ZNF493: variants seen among roughly 807,000 people sequenced by gnomAD.
ZNF493 encodes the protein zinc finger protein 493.
In ZNF493, 11 loss-of-function variants were observed where a neutral mutation model predicts 12.2. The ratio of observed to expected loss-of-function variants is 0.90; its 90% CI spans 0.57 to 1.50. The LOEUF (loss-of-function observed/expected upper bound fraction) is 1.50. Ranked by LOEUF, ZNF493 falls within the 40% of genes most tolerant of loss-of-function variation. ZNF493 has a pLI of 0.00. For synonymous variants in ZNF493, 286 were observed against 302.6 expected, an observed-to-expected ratio of 0.95 and a Z score of 0.57; for missense variants, 950 against 906.6, an observed-to-expected ratio of 1.05 and a Z score of -0.61.
At chr19:21,400,217 C>T (rs528341415) in intron 1 of ZNF493, among the ~76,000 whole-genome samples, 1 of 152,242 alleles carries the variant, frequency 6.6e-6, no homozygotes, top group East Asian at 1.9e-4. Flanking sequence ...CAAGACCATC[C>T]TGACCAACAT....
chr19:21,422,824 C>T, intron 3 of ZNF493, 89 bp from the exon 4 acceptor site: 1 of 1,191,956 alleles, frequency 8.4e-7, no homozygotes, highest in Non-Finnish European at 1.2e-6. Context: ...CTGGTTTATG[C>T]AGTTTGTATA....
At chr19:21,402,808 G>A (rs965549615) in intron 1 of ZNF493, among the ~76,000 whole-genome samples, 16 of 152,174 alleles carry the variant, frequency 1.1e-4, no homozygotes, top group Admixed American at 9.2e-4. Context: ...GTGTAAACAA[G>A]CATCTTAAGA....
At chr19:21,417,012 A>T (rs928513542) in intron 3 of ZNF493, among the ~76,000 whole-genome samples, 1 of 152,168 alleles carries the variant, frequency 6.6e-6, no homozygotes, top group Non-Finnish European at 1.5e-5. Context: ...CGGGGGACAG[A>T]CATTGTACAG....
At chr19:21,419,199 A>G (rs1395254303) in intron 3 of ZNF493, among the ~76,000 whole-genome samples, 2 of 151,932 alleles carry the variant, frequency 1.3e-5, no homozygotes, top group East Asian at 3.9e-4. Context: ...TGAGCCCTGA[A>G]CTTGTGGATT....
At chr19:21,408,024 G>A (rs2030191870) in intron 3 of ZNF493, 1 of 985,038 alleles carries the variant, frequency 1.0e-6, no homozygotes, top group Non-Finnish European at 1.2e-6. Context: ...GTGGAGTGGG[G>A]TTGTAACTTG....
intron 3 of ZNF493, among the ~76,000 whole-genome samples, chr19:21,407,208 G>T (rs74489550): frequency 0.014 from 2,137 of 152,112 alleles, 37 homozygotes; most frequent in South Asian, 0.025. Flanking sequence ...AATTAGTTGG[G>T]TGTGGCTGTG....
rs756534536 is a variant in ZNF493, at chr19:21,424,737, C to T, written c.2078C>T (p.Thr693Ile). 22 of 1,612,950 alleles carry T rather than the reference C, an allele frequency of 1.4e-5. No homozygotes were observed. The highest frequency in any genetic ancestry group is 1.8e-5 in the Non-Finnish European group (21 of 1,179,534). Residue 693 changes from threonine (T) to isoleucine (I), a missense_variant, in exon 4 of 4, where the codon ACT becomes ATT. Coordinates refer to ENST00000392288, the MANE Select transcript of ZNF493 (RefSeq NM_001076678.3). ...TACAAATGTGAAAAATGTGGCAAAA[C>T]TTTCTACCGATTCTCAAACCTTAAT... ...KPYKCEKCGK[T>I]FYRFSNLNTH...
intron 3 of ZNF493, chr19:21,413,221 G>A (rs11669033): frequency 0.17 from 59,380 of 351,076 alleles, 6,085 homozygotes; most frequent in Non-Finnish European, 0.22. Flanking sequence ...TTTTGAGGGC[G>A]GTATGCCTCA....
Position 21,424,096 on chromosome 19 carries a change from T to G in ZNF493, c.1437T>G (p.His479Gln). ...AFKRSSTLTK[H>Q]RIIHTEEKPY... The stretch of plus-strand genomic sequence containing the variant: ...AACGATCTTCAACCCTTACTAAACA[T>G]AGGATAATTCATACTGAAGAGAAAC... Residue 479 changes from histidine (H) to glutamine (Q), a missense_variant, in exon 4 of 4, where the codon CAT becomes CAG. Coordinates refer to ENST00000392288, the MANE Select transcript of ZNF493 (RefSeq NM_001076678.3). 2 of 1,606,868 alleles carry G rather than the reference T, an allele frequency of 1.2e-6. No homozygotes were observed. Among genetic ancestry groups the G allele is most frequent in the Non-Finnish European group, 1.7e-6 (2 of 1,174,144 alleles).
intron 3 of ZNF493, among the ~76,000 whole-genome samples, chr19:21,417,492 C>G (rs1004749627): frequency 3.3e-5 from 5 of 152,182 alleles, no homozygotes; most frequent in African/African-American, 1.2e-4. Flanking sequence ...CCTGAGCAGC[C>G]GAATCTGTAA....
Position 21,427,136 on chromosome 19 carries a change from A to G in ZNF493, c.*2152A>G, listed in dbSNP as rs1348477749. On this transcript the variant is annotated 3_prime_UTR_variant, in exon 4 of 4. Transcript: ENST00000392288. ...TTATGATCTTTTCTATGGATGAGTA[A>G]GAATATTAAAATGTAAGATGCATGG... is the stretch of plus-strand genomic sequence containing the variant. 6.0e-6 allele frequency: 1 copy of G among 167,062 alleles called. No individual in the cohort carries two copies. Among genetic ancestry groups the G allele is most frequent in the Non-Finnish European group, 1.5e-5 (1 of 68,114 alleles). 10.3% of individuals were successfully genotyped at this position (167,062 alleles called of 1,614,324 possible).
At chr19:21,405,565 A>T in intron 2 of ZNF493, 196 bp from the exon 3 acceptor site, 1 of 1,246,206 alleles carries the variant, frequency 8.0e-7, no homozygotes, top group Non-Finnish European at 1.0e-6. Context: ...TTTTTTATCC[A>T]TGAATACTGG....
intron 1 of ZNF493, chr19:21,397,481 T>C: frequency 4.7e-6 from 3 of 641,186 alleles, no homozygotes; most frequent in Non-Finnish European, 2.8e-6. Flanking sequence ...TTCCCTGCAC[T>C]GTGACTGTGC....
chr19:21,397,527 C>T, intron 1 of ZNF493: 1 of 595,748 alleles, frequency 1.7e-6, no homozygotes, highest in East Asian at 2.8e-5. Context: ...TCTGCACCCG[C>T]AGCGCCGCGT....
At chr19:21,408,881 CTT>C (rs201812196) in intron 3 of ZNF493, 9,787 of 577,424 alleles carry the variant, frequency 0.017, no homozygotes, top group Non-Finnish European at 0.02. Flanking sequence ...TTCTTTCTTT[CTT>C]TTTTTTTTTT....
intron 2 of ZNF493, 78 bp from the exon 3 acceptor site, chr19:21,405,683 C>T (rs1270330835): frequency 1.6e-6 from 2 of 1,229,842 alleles, no homozygotes; most frequent in Non-Finnish European, 2.3e-6. Flanking sequence ...CTATTACATC[C>T]TCTTTACTAA....
intron 1 of ZNF493, among the ~76,000 whole-genome samples, chr19:21,402,130 G>A (rs2029968677): frequency 6.6e-6 from 1 of 151,498 alleles, no homozygotes; most frequent in Non-Finnish European, 1.5e-5. Context: ...ATCACGACCG[G>A]CTAATTTTTT....
chr19:21,415,706 G>A lies in ZNF493; in HGVS notation c.254-7207G>A, dbSNP rs978165940. ...CATATGTATGGCAAATTGTTGGACT[G>A]TTTAACATGCCTTGTGGCAACATTT... On this transcript the variant is annotated intron_variant, in intron 3 of 3. Transcript: ENST00000392288. 2.6e-5 allele frequency among the ~76,000 whole-genome samples: 4 copies of A among 152,162 alleles called. No homozygotes were observed. In the East Asian group the frequency reaches 5.8e-4, roughly 22 times the overall value.
rs77859631 is a variant in ZNF493 at position 21,423,505 on chromosome 19, G to T, written c.846G>T (p.Arg282Ser). 6.2e-7 allele frequency: 1 copy of T among 1,611,776 alleles called. No individual in the cohort carries two copies. Among genetic ancestry groups the T allele is most frequent in the African/African-American group, 1.3e-5 (1 of 74,306 alleles). The change falls in exon 4 of 4, where the codon AGG becomes AGT. Residue 282 changes from arginine to serine, a missense_variant. Arg to Ser is a moderately radical substitution (Grantham distance 110). Coordinates refer to ENST00000392288, the MANE Select transcript of ZNF493 (RefSeq NM_001076678.3). ...TSFYQFSYLT[R>S]HKLIHTREKP... ...TCTACCAATTCTCATACCTTACTAG[G>T]CATAAGCTAATTCATACTAGAGAGA...
Sources: gnomAD v4.1 joint callset for allele counts (sites outside exome capture counted in the v4.1 genomes callset) on GRCh38, gnomAD v4.1.1 for gene constraint, MANE v1.5 for transcripts, NCBI Gene and HGNC (gene_info 2026-07-23, HGNC 2026-07-21) for gene names.